Variants in ADAMTS2 observed in about 807,000 individuals in gnomAD.
ADAMTS2 encodes the protein ADAM metallopeptidase with thrombospondin type 1 motif 2, also known as A disintegrin and metalloproteinase with thrombospondin motifs 2.
In ADAMTS2, 50 loss-of-function variants were observed where a neutral mutation model predicts 123.0. The observed-to-expected ratio is 0.41, with a 90% CI of 0.32 to 0.51. The LOEUF (loss-of-function observed/expected upper bound fraction) is 0.51. ADAMTS2 is among the 20% of genes least tolerant of loss of function. The probability of loss-of-function intolerance (pLI) is 0.35; values close to 1 mark genes in which losing one functional copy is unlikely to be tolerated. For synonymous variants in ADAMTS2, 678 were observed against 695.4 expected (o/e 0.98, Z 0.39); for missense variants, 1,494 against 1,705.2 (o/e 0.88, Z 2.18).
intron 2 of ADAMTS2, among the ~76,000 whole-genome samples, chr5:179,342,337 G>C (rs1347864844): frequency 6.6e-6 from 1 of 152,114 alleles, no homozygotes; most frequent in Non-Finnish European, 1.5e-5. Context: ...CGTAAAATGG[G>C]ACACACCTCT....
chr5:179,161,009 C>T (rs943513385), intron 5 of ADAMTS2, among the ~76,000 whole-genome samples: 4 of 152,184 alleles, frequency 2.6e-5, no homozygotes, highest in African/African-American at 9.7e-5. Flanking sequence ...GAATCCTCCG[C>T]CAACCCACAT....
In ADAMTS2 at chr5:179,115,356, A is replaced by C. The variant is rs1215060520; in HGVS notation, c.3179-1032T>G. Reference sequence around the variant, plus strand: ...CATCCCCTCATTCCACAACACAAAAATTAAGATGATTTTAAAAAATTCACT... The same window carrying C: ...CATCCCCTCATTCCACAACACAAAACTTAAGATGATTTTAAAAAATTCACT... On this transcript the variant is annotated intron_variant, in intron 21 of 21. Coordinates refer to ENST00000251582, the MANE Select transcript of ADAMTS2 (RefSeq NM_014244.5). The surrounding 1 kb of genome is among the most constrained non-coding windows in gnomAD (Gnocchi z 4.4). Among the ~76,000 whole-genome samples, 1 of 152,106 alleles carries C rather than the reference A, an allele frequency of 6.6e-6. No individual in the cohort carries two copies. The highest frequency in any genetic ancestry group is 1.5e-5 in the Non-Finnish European group (1 of 68,022).
intron 18 of ADAMTS2, 71 bp from the exon 19 acceptor site, chr5:179,125,251 G>A (rs979247380): frequency 3.7e-5 from 53 of 1,424,858 alleles, no homozygotes; most frequent in Middle Eastern, 4.1e-4. Flanking sequence ...GAGCTCCAGC[G>A]CCGCTCCCTG....
At position 179,181,658 on chromosome 5, in the gene ADAMTS2, C is replaced by T. The variant is rs949850730; in HGVS notation, c.892-503G>A. ...CCCACCACCAGGTATAATGTTTTAA[C>T]GTGTTAATAAAAAGCTCATATTACT... On this transcript the variant is annotated intron_variant, in intron 4 of 21. Coordinates refer to ENST00000251582, the MANE Select transcript of ADAMTS2 (RefSeq NM_014244.5). The surrounding 1 kb of genome is among the most constrained non-coding windows in gnomAD (Gnocchi z 4.1). Among the ~76,000 whole-genome samples, 9 of 152,158 alleles carry T rather than the reference C, an allele frequency of 5.9e-5. No homozygotes were observed. The highest frequency in any genetic ancestry group is 2.2e-4 in the African/African-American group (9 of 41,440).
At chr5:179,207,269 C>T (rs1290963532) in intron 4 of ADAMTS2, among the ~76,000 whole-genome samples, 2 of 152,218 alleles carry the variant, frequency 1.3e-5, no homozygotes, top group Non-Finnish European at 2.9e-5. Flanking sequence ...CCGCCTTAGC[C>T]TGTGAAGAGC....
chr5:179,276,404 A>C (rs2113520043), intron 2 of ADAMTS2, among the ~76,000 whole-genome samples: 1 of 152,266 alleles, frequency 6.6e-6, no homozygotes, highest in South Asian at 2.1e-4. Flanking sequence ...GGCAGCGGGC[A>C]AGCTGTCCTG....
At chr5:179,295,126 C>T (rs1287766132) in intron 2 of ADAMTS2, among the ~76,000 whole-genome samples, 1 of 152,254 alleles carries the variant, frequency 6.6e-6, no homozygotes, top group East Asian at 1.9e-4. Context: ...TGGCACCAGG[C>T]CTGGCTGAAT....
In ADAMTS2 at chr5:179,156,961, CTTTTTTTTTTTT is replaced by C. The variant is rs70997667; in HGVS notation, c.1132+1750_1132+1761del. On this transcript the variant is annotated intron_variant, in intron 6 of 21. Coordinates refer to ENST00000251582, the MANE Select transcript of ADAMTS2 (RefSeq NM_014244.5). ...ACCCTTGGCTGTCCTTTCATTTTTT[CTTTTTTTTTTTT>C]TTTTTTTTGAGACAGAGTCTTGCTC... 3.3e-4 allele frequency among the ~76,000 whole-genome samples: 36 copies of C among 108,386 alleles called. 1 individual carries two copies. In the Admixed American group the frequency reaches 3.4e-3, roughly 10 times the overall value. 71.1% of individuals were successfully genotyped at this position (108,386 alleles called of 152,430 possible). A position where few individuals can be genotyped will look rare whatever the true frequency, so the allele number is the denominator to read the frequency against.
Position 179,217,814 on chromosome 5 carries a change from CACTAGGGGATG to C in ADAMTS2, c.689-10110_689-10100del, listed in dbSNP as rs1765024769. Among the ~76,000 whole-genome samples, 6 of 69,088 alleles carry C rather than the reference CACTAGGGGATG, an allele frequency of 8.7e-5. 1 individual carries two copies. The highest frequency in any genetic ancestry group is 3.8e-4 in the African/African-American group (6 of 15,980). 45.3% of individuals were successfully genotyped at this position (69,088 alleles called of 152,430 possible). On this transcript the variant is annotated intron_variant, in intron 3 of 21. Coordinates refer to ENST00000251582, the MANE Select transcript of ADAMTS2 (RefSeq NM_014244.5). ...GGCGCAAGGGGGGGATGGGCACACT[CACTAGGGGATG>C]GCCTGAGGGCAGACAGGCACACTCA...
intron 20 of ADAMTS2, chr5:179,121,973 G>A (rs1328308936): frequency 7.8e-6 from 3 of 386,284 alleles, no homozygotes; most frequent in Admixed American, 4.5e-5. Flanking sequence ...CGTCCCTCTC[G>A]CTGCCCTGGC....
chr5:179,231,463 G>C (rs1765410880), intron 3 of ADAMTS2, among the ~76,000 whole-genome samples: 2 of 152,164 alleles, frequency 1.3e-5, no homozygotes, highest in African/African-American at 2.4e-5. Flanking sequence ...CGTGGGAGAA[G>C]ACGAGTGTCT....
chr5:179,272,288 G>A lies in ADAMTS2; in HGVS notation c.688+623C>T, dbSNP rs1395024332. The stretch of plus-strand genomic sequence containing the variant: ...GTTTCTGGGCCCAGGGCACACGTGG[G>A]TTCTGAGTTGAAAAAGACAGACGCC... On this transcript the variant is annotated intron_variant, in intron 3 of 21. Coordinates refer to ENST00000251582, the MANE Select transcript of ADAMTS2 (RefSeq NM_014244.5). The surrounding 1 kb of genome is among the most constrained non-coding windows in gnomAD (Gnocchi z 5.8). Among the ~76,000 whole-genome samples, 2 of 152,224 alleles carry A rather than the reference G, an allele frequency of 1.3e-5. No individual in the cohort carries two copies. Among genetic ancestry groups the A allele is most frequent in the Non-Finnish European group, 2.9e-5 (2 of 68,040 alleles).
intron 10 of ADAMTS2, among the ~76,000 whole-genome samples, chr5:179,146,370 G>A (rs1040368307): frequency 2.6e-5 from 4 of 152,116 alleles, no homozygotes; most frequent in Non-Finnish European, 5.9e-5. Flanking sequence ...ATTTGGAGGA[G>A]GTGCTCTCTG....
chr5:179,131,559 C>T (rs1050035635), intron 15 of ADAMTS2, among the ~76,000 whole-genome samples: 87 of 152,096 alleles, frequency 5.7e-4, no homozygotes, highest in African/African-American at 2.0e-3. Flanking sequence ...CCCCAGCAGT[C>T]CCTGGTATCA....
chr5:179,277,347 TG>T, intron 2 of ADAMTS2, among the ~76,000 whole-genome samples: 1 of 9,298 alleles, frequency 1.1e-4, no homozygotes, highest in African/African-American at 1.2e-3. Flanking sequence ...CTGACCCCCC[TG>T]AGACCAAAGG....
At chr5:179,125,211 T>G in intron 18 of ADAMTS2, 31 bp from the exon 19 acceptor site, 1 of 1,604,522 alleles carries the variant, frequency 6.2e-7, no homozygotes, top group Non-Finnish European at 8.5e-7. Flanking sequence ...ACAGTCAGGC[T>G]TCCGCAGCAC....
intron 3 of ADAMTS2, among the ~76,000 whole-genome samples, chr5:179,267,128 C>T (rs114048458): frequency 9.2e-5 from 14 of 152,144 alleles, no homozygotes; most frequent in African/African-American, 1.4e-4. Flanking sequence ...CCACCCCCGC[C>T]GCCCACTCTT....
At chr5:179,251,111 G>C (rs1192382163) in intron 3 of ADAMTS2, among the ~76,000 whole-genome samples, 1 of 152,202 alleles carries the variant, frequency 6.6e-6, no homozygotes, top group Non-Finnish European at 1.5e-5. Context: ...CATCAGGCGG[G>C]CCTGGGTTCA....
chr5:179,220,902 T>A (rs1311618156), intron 3 of ADAMTS2, among the ~76,000 whole-genome samples: 1 of 151,602 alleles, frequency 6.6e-6, no homozygotes, highest in Non-Finnish European at 1.5e-5. Context: ...AAGCGGGAGG[T>A]CTCAGATGCT....
Sources: gnomAD v4.1 joint callset for allele counts (sites outside exome capture counted in the v4.1 genomes callset) on GRCh38, gnomAD v4.1.1 for gene constraint, Gnocchi (gnomAD v3.1) non-coding constraint, MANE v1.5 for transcripts, NCBI Gene and HGNC (gene_info 2026-07-23, HGNC 2026-07-21) for gene names.